The following BCL6 variants were observed in gnomAD, a reference collection of about 807,000 sequenced individuals.
BCL6 encodes the protein B-cell lymphoma 6 protein.
Under a neutral mutation model 59.5 loss-of-function variants are expected in BCL6, and 7 were observed. The ratio of observed to expected loss-of-function variants is 0.12; its 90% CI spans 0.07 to 0.22. BCL6 has a LOEUF of 0.22. BCL6 is among the 10% of genes least tolerant of loss of function. BCL6 has a pLI of 1.00. For synonymous variants in BCL6, 339 were observed against 349.7 expected, an observed-to-expected ratio of 0.97 and a Z score of 0.34; for missense variants, 685 against 939.4, an observed-to-expected ratio of 0.73 and a Z score of 3.54.
intron 1 of BCL6, among the ~76,000 whole-genome samples, chr3:187,743,764 C>G (rs1711718049): frequency 6.7e-6 from 1 of 150,320 alleles, no homozygotes; most frequent in South Asian, 2.1e-4. Flanking sequence ...GGAGCTCAGC[C>G]GATTTCTGAG....
Position 187,721,897 on chromosome 3 carries a change from C to T in BCL6, c.*561G>A, listed in dbSNP as rs946707205. 3.3e-5 allele frequency: 7 copies of T among 209,266 alleles called. No homozygotes were observed. Among genetic ancestry groups the T allele is most frequent in the African/African-American group, 9.1e-5 (4 of 43,774 alleles). 13.0% of individuals were successfully genotyped at this position (209,266 alleles called of 1,614,324 possible). The stretch of plus-strand genomic sequence containing the variant: ...CCGTGTCTGCCTGCAGATACAAAAT[C>T]GAGCCTTTAACGCAGTTTTATATTT... On this transcript the variant is annotated 3_prime_UTR_variant, in exon 10 of 10. Coordinates refer to ENST00000406870, the MANE Select transcript of BCL6 (RefSeq NM_001706.5). This position sits in a 1 kb window ranked among gnomAD's most constrained non-coding sequence, Gnocchi z 4.2.
Position 187,725,379 on chromosome 3 carries a change from C to G in BCL6, c.1839+120G>C. The G allele has an allele frequency of 6.5e-7, 1 of 1,534,540 alleles. No individual in the cohort carries two copies. The highest frequency in any genetic ancestry group is 8.8e-7 in the Non-Finnish European group (1 of 1,142,810). ...CTCCTGCCCGCTCTGCTCACCTGCC[C>G]GCTCCGCTTGCCTGCCCGCTCCACT... On this transcript the variant is annotated intron_variant, in intron 8 of 9. Coordinates refer to ENST00000406870, the MANE Select transcript of BCL6 (RefSeq NM_001706.5). The surrounding 1 kb of genome is among the most constrained non-coding windows in gnomAD (Gnocchi z 4.7).
chr3:187,735,655 A>G (rs763683386), intron 1 of BCL6, among the ~76,000 whole-genome samples: 2 of 152,192 alleles, frequency 1.3e-5, no homozygotes, highest in Non-Finnish European at 2.9e-5. Flanking sequence ...AGACTTAACT[A>G]TGTGATTTAG....
At chr3:187,726,136 T>C (rs551496316) in intron 7 of BCL6, among the ~76,000 whole-genome samples, 1 of 152,288 alleles carries the variant, frequency 6.6e-6, no homozygotes, top group African/African-American at 2.4e-5. Context: ...GTTTCTCTCT[T>C]TTAGAACAAA....
Position 187,725,230 on chromosome 3 carries a change from T to C in BCL6, c.1840-152A>G. The C allele has an allele frequency of 2.3e-6, 3 of 1,313,020 alleles. No homozygotes were observed. Among genetic ancestry groups the C allele is most frequent in the Non-Finnish European group, 3.1e-6 (3 of 953,410 alleles). 81.3% of individuals were successfully genotyped at this position (1,313,020 alleles called of 1,614,324 possible). On this transcript the variant is annotated intron_variant, in intron 8 of 9. Transcript: ENST00000406870. This position sits in a 1 kb window ranked among gnomAD's most constrained non-coding sequence, Gnocchi z 4.7. ...CTGAGTGGGCCTTTCTGCTGCCCAC[T>C]CTGCTCACCTGCCCACTCCTCTGCT...
chr3:187,736,393 G>A (rs1384912685), intron 1 of BCL6: 1 of 152,228 alleles, frequency 6.6e-6, no homozygotes, highest in African/African-American at 2.4e-5. Context: ...ACATGGGAGT[G>A]GGAGGTTTAC....
At position 187,734,876 on chromosome 3, in the gene BCL6, C is replaced by T. The variant is rs1349891828; in HGVS notation, c.-18G>A. ...ATAATTTTATTTACTTACCCAATGCCTTGCTTCACAGTCCAAAATTTTGCT... is the reference window on the plus strand; with the variant it reads ...ATAATTTTATTTACTTACCCAATGCTTTGCTTCACAGTCCAAAATTTTGCT... On this transcript the variant is annotated 5_prime_UTR_variant, in exon 2 of 10. Coordinates refer to ENST00000406870, the MANE Select transcript of BCL6 (RefSeq NM_001706.5). 1.3e-5 allele frequency: 2 copies of T among 152,654 alleles called. No homozygotes were observed. The highest frequency in any genetic ancestry group is 4.8e-5 in the African/African-American group (2 of 41,438). The allele number at this position is 152,654 out of a possible 1,614,324, so 9.5% of individuals were successfully genotyped here.
intron 1 of BCL6, among the ~76,000 whole-genome samples, chr3:187,744,757 G>A (rs559754657): frequency 1.3e-5 from 2 of 152,234 alleles, no homozygotes; most frequent in African/African-American, 2.4e-5. Context: ...GGAAGGGAAG[G>A]AAGAAGAGGC....
At chr3:187,744,280 C>T (rs1376175167) in intron 1 of BCL6, among the ~76,000 whole-genome samples, 1 of 152,164 alleles carries the variant, frequency 6.6e-6, no homozygotes, top group African/African-American at 2.4e-5. Context: ...CTGAGTCCCC[C>T]CGCACACTGA....
At chr3:187,733,378 G>C in intron 3 of BCL6, 155 bp downstream of exon 3, 1 of 799,782 alleles carries the variant, frequency 1.3e-6, no homozygotes, top group Non-Finnish European at 2.0e-6. Flanking sequence ...TCATTCACTT[G>C]GGAGCCTACT....
chr3:187,722,370 T>C lies in BCL6; in HGVS notation c.*88A>G, dbSNP rs1718463978. The C allele has an allele frequency of 9.2e-7, 1 of 1,081,170 alleles. No individual in the cohort carries two copies. 67.0% of individuals were successfully genotyped at this position (1,081,170 alleles called of 1,614,324 possible). ...ACTAGTGGATGAAAGAGGCACTACA[T>C]CATGGGATGAACATTGTAAAGTGTT... On this transcript the variant is annotated 3_prime_UTR_variant, in exon 10 of 10. Coordinates refer to ENST00000406870, the MANE Select transcript of BCL6 (RefSeq NM_001706.5).
At chr3:187,743,019 C>T (rs899765349) in intron 1 of BCL6, among the ~76,000 whole-genome samples, 10 of 129,742 alleles carry the variant, frequency 7.7e-5, no homozygotes, top group Non-Finnish European at 1.5e-4. Flanking sequence ...CTTGCCGCCC[C>T]CTCTTTTTTT....
Position 187,741,415 on chromosome 3 carries a change from ACTC to A in BCL6, c.-50+3992_-50+3994del, listed in dbSNP as rs573910752. Among the ~76,000 whole-genome samples the A allele has an allele frequency of 1.5e-3, 222 of 151,268 alleles. 2 individuals carry two copies. The highest frequency in any genetic ancestry group is 4.4e-3 in the African/African-American group (183 of 41,156). ...ATCCAGCAAAGAAAGTCGGGAATAA[ACTC>A]CTGATCTTCTCGGAGGAAAGGGGCG... On this transcript the variant is annotated intron_variant, in intron 1 of 9. Transcript: ENST00000406870.
intron 1 of BCL6, among the ~76,000 whole-genome samples, chr3:187,740,859 G>A (rs572561642): frequency 1.3e-5 from 2 of 152,382 alleles, no homozygotes; most frequent in African/African-American, 4.8e-5. Flanking sequence ...TGATGGGCAA[G>A]CAGCGAGGCC....
At chr3:187,733,458 A>G (rs1391413292) in intron 3 of BCL6, 75 bp downstream of exon 3, 9 of 1,536,262 alleles carry the variant, frequency 5.9e-6, no homozygotes, top group Non-Finnish European at 6.2e-6. Context: ...AAAGGCCCAC[A>G]TGTTCTGCCT....
At chr3:187,735,307 C>T (rs374141645) in intron 1 of BCL6, among the ~76,000 whole-genome samples, 2 of 152,296 alleles carry the variant, frequency 1.3e-5, no homozygotes, top group South Asian at 2.1e-4. Flanking sequence ...AACCACTGGA[C>T]GTCATTCAAA....
At chr3:187,732,270 T>C (rs529311988) in intron 3 of BCL6, 1 of 380,526 alleles carries the variant, frequency 2.6e-6, no homozygotes, top group Admixed American at 3.8e-5. Flanking sequence ...GAGTTAAATT[T>C]AGCCCCTTTG....
intron 1 of BCL6, among the ~76,000 whole-genome samples, chr3:187,738,193 C>T (rs1719380229): frequency 6.6e-6 from 1 of 152,170 alleles, no homozygotes; most frequent in South Asian, 2.1e-4. Context: ...CATATCGAGA[C>T]TTTAAGTTGT....
At chr3:187,726,609 G>A in intron 7 of BCL6, 122 bp downstream of exon 7, 1 of 1,388,458 alleles carries the variant, frequency 7.2e-7, no homozygotes, top group Non-Finnish European at 9.8e-7. Flanking sequence ...AGGCCAGGAT[G>A]GGGCCTGCCT....
Sources: gnomAD v4.1 joint callset for allele counts (sites outside exome capture counted in the v4.1 genomes callset) on GRCh38, gnomAD v4.1.1 for gene constraint, Gnocchi (gnomAD v3.1) non-coding constraint, MANE v1.5 for transcripts, NCBI Gene and HGNC (gene_info 2026-07-23, HGNC 2026-07-21) for gene names.